Variants in ANKRD27 observed in about 807,000 individuals in gnomAD.
ANKRD27 encodes ankyrin repeat domain 27.
In ANKRD27, 112 loss-of-function variants were observed where a neutral mutation model predicts 129.7. The observed-to-expected ratio is 0.86, with a 90% CI of 0.74 to 1.01. The LOEUF (loss-of-function observed/expected upper bound fraction) is 1.01, where lower values mean the gene tolerates loss of function less well. ANKRD27 is among the 50% of genes least tolerant of loss of function. The pLI is 0.00. For synonymous variants in ANKRD27, 516 were observed against 511.2 expected, an observed-to-expected ratio of 1.01 and a Z score of -0.13; for missense variants, 1,258 against 1,300.5, an observed-to-expected ratio of 0.97 and a Z score of 0.50.
At chr19:32,656,877 A>G (rs1967548347) in intron 2 of ANKRD27, among the ~76,000 whole-genome samples, 1 of 152,130 alleles carries the variant, frequency 6.6e-6, no homozygotes, top group Admixed American at 6.6e-5. Flanking sequence ...GCAGCTTTTA[A>G]TAATTGCTGT....
intron 5 of ANKRD27, 180 bp from the exon 6 acceptor site, chr19:32,643,811 C>A: frequency 1.6e-6 from 1 of 624,464 alleles, no homozygotes; most frequent in Non-Finnish European, 2.8e-6. Flanking sequence ...GAAACTTCCC[C>A]TTGGGGTTAA....
intron 17 of ANKRD27, among the ~76,000 whole-genome samples, chr19:32,623,392 T>C (rs1317527339): frequency 1.3e-5 from 2 of 152,152 alleles, no homozygotes; most frequent in Non-Finnish European, 2.9e-5. Context: ...TTTTGGTACA[T>C]GCTGTCCAGA....
At chr19:32,611,068 A>G (rs2145265423) in intron 22 of ANKRD27, among the ~76,000 whole-genome samples, 1 of 152,320 alleles carries the variant, frequency 6.6e-6, no homozygotes, top group Middle Eastern at 3.4e-3. Context: ...AATCACAGAC[A>G]TGAAGCAGTT....
At chr19:32,666,137 C>T (rs186626736) in intron 1 of ANKRD27, among the ~76,000 whole-genome samples, 15 of 152,292 alleles carry the variant, frequency 9.8e-5, no homozygotes, top group South Asian at 4.1e-4. Flanking sequence ...CGATGTCCTC[C>T]GACTTTTCCA....
At position 32,598,139 on chromosome 19, in the gene ANKRD27, T is replaced by A; in HGVS notation, c.*6A>T. The A allele has an allele frequency of 6.2e-7, 1 of 1,613,554 alleles. No individual in the cohort carries two copies. The highest frequency in any genetic ancestry group is 2.2e-5 in the East Asian group (1 of 44,860). ...TAGCAGTGGGTTCAACAACTCCTCA[T>A]TCCTGTTAGGACCGGGAAGCACTAA... On this transcript the variant is annotated 3_prime_UTR_variant, in exon 29 of 29. Transcript: ENST00000306065.
In ANKRD27 at chr19:32,628,156, A is replaced by G; in HGVS notation, c.1347T>C (p.Asn449=). The G allele has an allele frequency of 6.2e-7, 1 of 1,614,066 alleles. No individual in the cohort carries two copies. The highest frequency in any genetic ancestry group is 1.1e-5 in the South Asian group (1 of 91,088). The change falls in exon 15 of 29, where the codon AAT becomes AAC. Residue 449 remains asparagine (N), a synonymous_variant. Transcript: ENST00000306065. ...AGAATGGAGTGACAACTGAGGGATC[A>G]TTCAACCTCCTAAAATACAGAAAGA... ...DCEKLVSGRL[N]DPSVVTPFSR...
chr19:32,604,322 C>G lies in ANKRD27; in HGVS notation c.2596G>C (p.Gly866Arg). ...VFVVELLLLHGASVQVLNKRQ... is the reference protein window; with the variant it reads ...VFVVELLLLHRASVQVLNKRQ... Reference sequence around the variant, plus strand: ...TTGTTCAGCACCTGAACTGACGCTCCGTGGAGCAGAAGCAGCTCTACCACG... The same window carrying G: ...TTGTTCAGCACCTGAACTGACGCTCGGTGGAGCAGAAGCAGCTCTACCACG... Residue 866 changes from glycine (G) to arginine (R), a missense_variant, in exon 25 of 29, where the codon GGA becomes CGA. Coordinates refer to ENST00000306065, the MANE Select transcript of ANKRD27 (RefSeq NM_032139.3). 6.2e-7 allele frequency: 1 copy of G among 1,614,058 alleles called. No homozygotes were observed. Among genetic ancestry groups the G allele is most frequent in the Non-Finnish European group, 8.5e-7 (1 of 1,180,024 alleles).
chr19:32,625,101 C>A (rs1972069350), intron 17 of ANKRD27, among the ~76,000 whole-genome samples: 1 of 151,404 alleles, frequency 6.6e-6, no homozygotes, highest in African/African-American at 2.4e-5. Flanking sequence ...ACTAAAAATA[C>A]AAAAATTAGC....
intron 25 of ANKRD27, among the ~76,000 whole-genome samples, chr19:32,604,004 A>G (rs201796919): frequency 3.6e-3 from 360 of 99,536 alleles, no homozygotes; most frequent in African/African-American, 0.019. Flanking sequence ...CTGCTAGCTG[A>G]GGGGGGGGCC....
At position 32,668,745 on chromosome 19, in the gene ANKRD27, C is replaced by T. The variant is rs1324064168; in HGVS notation, c.-31+6326G>A. On this transcript the variant is annotated intron_variant, in intron 1 of 28. Coordinates refer to ENST00000306065, the MANE Select transcript of ANKRD27 (RefSeq NM_032139.3). ...GATTACAGGCGTGAGCCACCGTGCC[C>T]AGCTAATTTTTTAATTTTCAGTACA... 2.6e-5 allele frequency among the ~76,000 whole-genome samples: 4 copies of T among 151,772 alleles called. No individual in the cohort carries two copies. The South Asian group carries it at 8.3e-4, about 32-fold the overall frequency.
At position 32,614,017 on chromosome 19, in the gene ANKRD27, G is replaced by A. The variant is rs376139819; in HGVS notation, c.2175+1641C>T. On this transcript the variant is annotated intron_variant, in intron 22 of 28. Coordinates refer to ENST00000306065, the MANE Select transcript of ANKRD27 (RefSeq NM_032139.3). ...GCCACTTATGTAACGTTTTTGAAGT[G>A]ACAGGATTAGGGAAATGGAGAACAG... Among the ~76,000 whole-genome samples, 7 of 152,162 alleles carry A rather than the reference G, an allele frequency of 4.6e-5. No homozygotes were observed. The South Asian group carries it at 1.5e-3, about 32-fold the overall frequency.
At position 32,631,417 on chromosome 19, in the gene ANKRD27, G is replaced by A. The variant is rs767824790; in HGVS notation, c.1194C>T (p.Thr398=). The change falls in exon 13 of 29, where the codon ACC becomes ACT. Residue 398 remains threonine, a synonymous_variant. Transcript: ENST00000306065. ...SLLSQMTSSP[T]DCLFKHIASG... ...GGTATCTCACCTTAAACAGGCAGTC[G>A]GTGGGAGACGAAGTCATCTGAGAGA... 7 of 1,614,012 alleles carry A rather than the reference G, an allele frequency of 4.3e-6. No individual in the cohort carries two copies. The highest frequency in any genetic ancestry group is 5.1e-6 in the Non-Finnish European group (6 of 1,179,958).
intron 26 of ANKRD27, among the ~76,000 whole-genome samples, chr19:32,601,362 C>T (rs1359219103): frequency 6.6e-6 from 1 of 151,146 alleles, no homozygotes; most frequent in Non-Finnish European, 1.5e-5. Flanking sequence ...TTTGGGAGGC[C>T]AAGGCGGGCA....
At chr19:32,600,086 A>T (rs760339123) in intron 26 of ANKRD27, 36 bp from the exon 27 acceptor site, 1 of 1,391,862 alleles carries the variant, frequency 7.2e-7, no homozygotes, top group East Asian at 2.3e-5. Flanking sequence ...AAAACTTCAA[A>T]AACAGTTGTA....
intron 2 of ANKRD27, among the ~76,000 whole-genome samples, chr19:32,653,733 G>A (rs373655702): frequency 5.3e-5 from 8 of 151,450 alleles, no homozygotes; most frequent in African/African-American, 1.5e-4. Flanking sequence ...GTGGCGTGGC[G>A]GGGGCGGGGA....
intron 9 of ANKRD27, 158 bp downstream of exon 9, chr19:32,642,965 G>C: frequency 1.4e-6 from 1 of 715,772 alleles, no homozygotes; most frequent in South Asian, 1.8e-5. Context: ...ACCTATAAAG[G>C]GCAGCCCTTT....
At position 32,649,821 on chromosome 19, in the gene ANKRD27, G is replaced by C. The variant is rs7260381; in HGVS notation, c.103-29C>G. On this transcript the variant is annotated intron_variant, in intron 2 of 28. Coordinates refer to ENST00000306065, the MANE Select transcript of ANKRD27 (RefSeq NM_032139.3). Reference sequence around the variant, plus strand: ...GAAAAAACAATTCGGGGCAACATTAGACAGACGTGCCATTTACCACCTCAG... The same window carrying C: ...GAAAAAACAATTCGGGGCAACATTACACAGACGTGCCATTTACCACCTCAG... The C allele has an allele frequency of 9.2e-3, 13,274 of 1,436,070 alleles. 1,000 individuals are homozygous for C. The African/African-American group carries it at 0.16, about 18-fold the overall frequency. The allele number at this position is 1,436,070 out of a possible 1,614,324, so 89.0% of individuals were successfully genotyped here. A position where few individuals can be genotyped will look rare whatever the true frequency, so the allele number is the denominator to read the frequency against.
intron 1 of ANKRD27, among the ~76,000 whole-genome samples, chr19:32,661,314 GA>G (rs1967642496): frequency 6.6e-6 from 1 of 151,402 alleles, no homozygotes; most frequent in South Asian, 2.1e-4. Context: ...GGTGTGTTCA[GA>G]AATAGAACTT....
chr19:32,651,280 G>A (rs903117127), intron 2 of ANKRD27, among the ~76,000 whole-genome samples: 10 of 151,908 alleles, frequency 6.6e-5, no homozygotes, highest in Admixed American at 6.6e-4. Flanking sequence ...GTCAGAGATG[G>A]CCCCCCCTCC....
Sources: gnomAD v4.1 joint callset for allele counts (sites outside exome capture counted in the v4.1 genomes callset) on GRCh38, gnomAD v4.1.1 for gene constraint, MANE v1.5 for transcripts, NCBI Gene and HGNC (gene_info 2026-07-23, HGNC 2026-07-21) for gene names.